Variants in CCPG1 observed in about 807,000 individuals in gnomAD.
CCPG1 encodes cell cycle progression protein 1.
A neutral mutation model predicts 81.3 loss-of-function variants in CCPG1; 46 were observed. That is an observed-to-expected ratio of 0.57 (90% CI 0.45 to 0.72). The LOEUF (loss-of-function observed/expected upper bound fraction) is 0.72, where lower values mean the gene tolerates loss of function less well. CCPG1 is among the 30% of genes least tolerant of loss of function. The pLI, the probability that CCPG1 is intolerant of heterozygous loss-of-function variation, is 0.00. For missense variants in CCPG1, 902 were observed against 937.6 expected, an observed-to-expected ratio of 0.96 and a Z score of 0.50; for synonymous variants, 330 against 305.2, an observed-to-expected ratio of 1.08 and a Z score of -0.85.
intron 3 of CCPG1, among the ~76,000 whole-genome samples, chr15:55,380,453 G>C (rs970206226): frequency 1.3e-5 from 2 of 151,306 alleles, no homozygotes; most frequent in African/African-American, 4.8e-5. Flanking sequence ...CCACCACCAC[G>C]CCCGGCTAAT....
intron 3 of CCPG1, among the ~76,000 whole-genome samples, chr15:55,384,590 G>C (rs2056763070): frequency 6.6e-6 from 1 of 152,152 alleles, no homozygotes. Context: ...AAGAGGCAGA[G>C]GCTGCAGTGA....
At chr15:55,387,803 C>G (rs989236487) in intron 2 of CCPG1, among the ~76,000 whole-genome samples, 4 of 141,686 alleles carry the variant, frequency 2.8e-5, no homozygotes, top group African/African-American at 1.0e-4. Flanking sequence ...ACCTCGGCCT[C>G]CCAAAGTGCT....
chr15:55,365,822 T>G (rs1223350006), intron 6 of CCPG1, among the ~76,000 whole-genome samples: 1 of 150,876 alleles, frequency 6.6e-6, no homozygotes, highest in Non-Finnish European at 1.5e-5. Flanking sequence ...CTGGGCACAG[T>G]GGCTCACGCC....
At chr15:55,361,920 A>G (rs2056208311) in intron 7 of CCPG1, among the ~76,000 whole-genome samples, 2 of 152,172 alleles carry the variant, frequency 1.3e-5, no homozygotes, top group Admixed American at 1.3e-4. Context: ...TGAATCTTGA[A>G]CATTTATAAC....
At chr15:55,400,765 G>A (rs2057114080) in intron 1 of CCPG1, among the ~76,000 whole-genome samples, 1 of 152,188 alleles carries the variant, frequency 6.6e-6, no homozygotes, top group South Asian at 2.1e-4. Context: ...GAAGACTTCA[G>A]TGGGGCTGTG....
Position 55,371,785 on chromosome 15 carries a change from G to A in CCPG1, c.706+8C>T. 1 of 1,611,992 alleles carries A rather than the reference G, an allele frequency of 6.2e-7. No individual in the cohort carries two copies. Among genetic ancestry groups the A allele is most frequent in the Non-Finnish European group, 8.5e-7 (1 of 1,178,352 alleles). ...CAGGTTATGTATAACACATTTTTGA[G>A]TACTTACCATAGAAATGGCCAAATC... On this transcript the variant is annotated splice_region_variant and intron_variant, in intron 6 of 8. Coordinates refer to ENST00000442196, the MANE Select transcript of CCPG1 (RefSeq NM_001204450.2).
Position 55,368,020 on chromosome 15 carries a change from T to C in CCPG1, c.707-2711A>G, listed in dbSNP as rs145018933. Among the ~76,000 whole-genome samples the C allele has an allele frequency of 4.7e-3, 713 of 152,146 alleles. 9 individuals are homozygous for C. The highest frequency in any genetic ancestry group is 0.016 in the African/African-American group (682 of 41,560). ...AATAAATCAAACTTTCCTATCTAGA[T>C]TCCAAGACGTTTTACAATACACAGT... On this transcript the variant is annotated intron_variant, in intron 6 of 8. Coordinates refer to ENST00000442196, the MANE Select transcript of CCPG1 (RefSeq NM_001204450.2).
chr15:55,405,942 GCAA>G (rs2057210325), intron 1 of CCPG1, among the ~76,000 whole-genome samples: 1 of 152,190 alleles, frequency 6.6e-6, no homozygotes, highest in African/African-American at 2.4e-5. Flanking sequence ...TCGGCTCACT[GCAA>G]CTTCTGCCTC....
chr15:55,407,109 TC>T (rs1187422306), intron 1 of CCPG1, among the ~76,000 whole-genome samples: 54 of 147,954 alleles, frequency 3.6e-4, no homozygotes, highest in Non-Finnish European at 6.2e-4. Flanking sequence ...GCGCCTGTAA[TC>T]CCAGATACTC....
At chr15:55,365,470 G>C (rs1262022752) in intron 6 of CCPG1, among the ~76,000 whole-genome samples, 161 bp from the exon 7 acceptor site, 1 of 114,400 alleles carries the variant, frequency 8.7e-6, no homozygotes, top group Non-Finnish European at 1.7e-5. Context: ...TTGCTCCATT[G>C]CCCAGGCTGG....
chr15:55,395,342 T>C (rs535934411), intron 1 of CCPG1, among the ~76,000 whole-genome samples: 4 of 152,108 alleles, frequency 2.6e-5, no homozygotes, highest in Non-Finnish European at 5.9e-5. Context: ...ACACAGTGAA[T>C]ATGAAAGCCC....
chr15:55,377,767 G>C (rs1354560639), intron 4 of CCPG1, among the ~76,000 whole-genome samples: 1 of 152,182 alleles, frequency 6.6e-6, no homozygotes, highest in African/African-American at 2.4e-5. Context: ...GCAACAAAAT[G>C]CCATTTGGAA....
At chr15:55,396,461 C>A (rs891420826) in intron 1 of CCPG1, among the ~76,000 whole-genome samples, 5 of 152,096 alleles carry the variant, frequency 3.3e-5, no homozygotes, top group African/African-American at 9.7e-5. Context: ...TTTGATGTCC[C>A]CTTGCAGGTT....
chr15:55,379,788 A>G (rs575909860), intron 3 of CCPG1, among the ~76,000 whole-genome samples: 2 of 152,218 alleles, frequency 1.3e-5, no homozygotes, highest in African/African-American at 4.8e-5. Flanking sequence ...ATGACTTCAC[A>G]ATATATTTTT....
chr15:55,388,367 T>C (rs1294953768), intron 2 of CCPG1, among the ~76,000 whole-genome samples: 1 of 152,220 alleles, frequency 6.6e-6, no homozygotes, highest in East Asian at 1.9e-4. Flanking sequence ...ACTTGTTGTA[T>C]GTATATCAAT....
intron 1 of CCPG1, among the ~76,000 whole-genome samples, chr15:55,390,430 G>A (rs1217560012): frequency 1.5e-5 from 2 of 133,448 alleles, no homozygotes; most frequent in African/African-American, 5.1e-5. Flanking sequence ...ACCCAACTTA[G>A]TAAAGCAAAT....
At chr15:55,389,314 T>G in intron 2 of CCPG1, 51 bp downstream of exon 2, 2 of 1,258,728 alleles carry the variant, frequency 1.6e-6, no homozygotes, top group Non-Finnish European at 2.3e-6. Flanking sequence ...TTTACATCAC[T>G]GGTAACATTA....
At chr15:55,376,804 A>G in intron 5 of CCPG1, 145 bp downstream of exon 5, 3 of 627,786 alleles carry the variant, frequency 4.8e-6, no homozygotes, top group Non-Finnish European at 8.3e-6. Context: ...AGGTATTAAT[A>G]GATTTCACAC....
At chr15:55,376,304 G>A (rs980745874) in intron 5 of CCPG1, among the ~76,000 whole-genome samples, 6 of 152,202 alleles carry the variant, frequency 3.9e-5, no homozygotes, top group Admixed American at 3.9e-4. Context: ...CTGAGCTGAA[G>A]CATAGCAGAA....
Sources: gnomAD v4.1 joint callset for allele counts (sites outside exome capture counted in the v4.1 genomes callset) on GRCh38, gnomAD v4.1.1 for gene constraint, MANE v1.5 for transcripts, NCBI Gene and HGNC (gene_info 2026-07-23, HGNC 2026-07-21) for gene names.